The following COL22A1 variants were observed in gnomAD, a reference collection of about 807,000 sequenced individuals.
The protein encoded by COL22A1 is collagen type XXII alpha 1 chain.
A neutral mutation model predicts 248.9 loss-of-function variants in COL22A1; 221 were observed. That is an observed-to-expected ratio of 0.89 (90% CI 0.80 to 0.99). The LOEUF is 0.99. COL22A1 is among the 50% of genes least tolerant of loss of function. COL22A1 has a pLI of 0.00. For synonymous variants in COL22A1, 891 were observed against 793.4 expected (o/e 1.12, Z -2.07); for missense variants, 2,240 against 2,179.0 (o/e 1.03, Z -0.56).
chr8:138,689,620 C>T (rs1826662130), intron 36 of COL22A1, among the ~76,000 whole-genome samples: 1 of 152,146 alleles, frequency 6.6e-6, no homozygotes. Flanking sequence ...GAAGCTGAGG[C>T]AAGAGAATCA....
chr8:138,655,887 A>C lies in COL22A1; in HGVS notation c.3333+10T>G. 1 of 1,605,564 alleles carries C rather than the reference A, an allele frequency of 6.2e-7. No homozygotes were observed. Among genetic ancestry groups the C allele is most frequent in the Non-Finnish European group, 8.5e-7 (1 of 1,172,560 alleles). ...TTCAAAACACATGCGCATTTATTGT[A>C]TGCTTTTACCTTAGCCAAGAGATTT... On this transcript the variant is annotated intron_variant, in intron 45 of 64. Coordinates refer to ENST00000303045, the MANE Select transcript of COL22A1 (RefSeq NM_152888.3).
In COL22A1 at chr8:138,871,830, G is replaced by T. The variant is rs368319848; in HGVS notation, c.658+5920C>A. Among the ~76,000 whole-genome samples the T allele has an allele frequency of 1.2e-4, 18 of 152,174 alleles. 1 individual carries two copies. In the South Asian group the frequency reaches 3.1e-3, roughly 26 times the overall value. ...TTTACTAAAAGTGTTTTGCACTACG[G>T]AAAGAAAAAATGTGCAAAACAGACT... On this transcript the variant is annotated intron_variant, in intron 3 of 64. Coordinates refer to ENST00000303045, the MANE Select transcript of COL22A1 (RefSeq NM_152888.3).
chr8:138,823,513 C>G (rs1819334663), intron 6 of COL22A1, among the ~76,000 whole-genome samples: 1 of 152,186 alleles, frequency 6.6e-6, no homozygotes, highest in African/African-American at 2.4e-5. Context: ...TCAAGCAATT[C>G]TCCTGCTTCA....
At chr8:138,722,193 G>C (rs1422047518) in intron 25 of COL22A1, 104 bp from the exon 26 acceptor site, 6 of 917,580 alleles carry the variant, frequency 6.5e-6, no homozygotes, top group Non-Finnish European at 8.3e-6. Context: ...CCAGAATGCA[G>C]GAGGCTCGGG....
chr8:138,648,580 A>G (rs975275846), intron 46 of COL22A1, among the ~76,000 whole-genome samples: 13 of 151,486 alleles, frequency 8.6e-5, no homozygotes, highest in African/African-American at 3.1e-4. Flanking sequence ...AAAGGCAAAG[A>G]AGGCTTTTTT....
chr8:138,777,331 T>C (rs564605446), intron 15 of COL22A1, among the ~76,000 whole-genome samples: 2 of 152,282 alleles, frequency 1.3e-5, no homozygotes, highest in East Asian at 3.9e-4. Flanking sequence ...AAAGGGTGAG[T>C]GGGCATCCTT....
chr8:138,652,894 A>G lies in COL22A1; in HGVS notation c.3333+3003T>C, dbSNP rs576260115. 1.9e-3 allele frequency among the ~76,000 whole-genome samples: 281 copies of G among 151,450 alleles called. 1 individual carries two copies. Among genetic ancestry groups the G allele is most frequent in the African/African-American group, 6.5e-3 (268 of 41,312 alleles). Reference sequence around the variant, plus strand: ...CCCAAGCAGCTGGGAATACAGGCATATGCTACCACGTCTGACTAATTTTTG... The same window carrying G: ...CCCAAGCAGCTGGGAATACAGGCATGTGCTACCACGTCTGACTAATTTTTG... On this transcript the variant is annotated intron_variant, in intron 45 of 64. Coordinates refer to ENST00000303045, the MANE Select transcript of COL22A1 (RefSeq NM_152888.3).
chr8:138,610,084 T>C (rs551834962), intron 56 of COL22A1, among the ~76,000 whole-genome samples: 2 of 152,246 alleles, frequency 1.3e-5, no homozygotes, highest in Non-Finnish European at 2.9e-5. Context: ...TGAATGAGAA[T>C]GCTGGAGTCC....
At position 138,743,924 on chromosome 8, in the gene COL22A1, T is replaced by C. The variant is rs138111990; in HGVS notation, c.2086-6347A>G. On this transcript the variant is annotated intron_variant, in intron 22 of 64. Coordinates refer to ENST00000303045, the MANE Select transcript of COL22A1 (RefSeq NM_152888.3). ...GTTAACAGAGTCATCTGAGGGGCCATTAACAGATAAAAGGATTGCTTGTGC... is the reference window on the plus strand; with the variant it reads ...GTTAACAGAGTCATCTGAGGGGCCACTAACAGATAAAAGGATTGCTTGTGC... 7.2e-5 allele frequency among the ~76,000 whole-genome samples: 11 copies of C among 152,304 alleles called. No individual in the cohort carries two copies. In the East Asian group the frequency reaches 1.9e-3, roughly 27 times the overall value.
intron 37 of COL22A1, 108 bp from the exon 38 acceptor site, chr8:138,685,420 G>A: frequency 1.2e-6 from 1 of 812,142 alleles, no homozygotes; most frequent in Non-Finnish European, 2.0e-6. Flanking sequence ...CTGCCTTTAT[G>A]ATTTTAGAAG....
At chr8:138,712,556 G>A (rs73435074) in intron 30 of COL22A1, among the ~76,000 whole-genome samples, 282 of 41,956 alleles carry the variant, frequency 6.7e-3, no homozygotes, top group African/African-American at 0.019. Context: ...CAAAGAGTAC[G>A]TGTTCTATCA....
intron 6 of COL22A1, among the ~76,000 whole-genome samples, chr8:138,822,339 C>T (rs781350187): frequency 5.3e-5 from 8 of 152,092 alleles, no homozygotes; most frequent in Admixed American, 1.3e-4. Flanking sequence ...TGTGAGCCAC[C>T]GTGCTCAGCC....
intron 50 of COL22A1, among the ~76,000 whole-genome samples, chr8:138,629,895 C>A (rs1189050354): frequency 2.0e-5 from 3 of 152,164 alleles, no homozygotes; most frequent in Admixed American, 6.5e-5. Context: ...CTCTGACATT[C>A]CCTCACTGTG....
At chr8:138,659,937 G>T (rs1026686629) in intron 44 of COL22A1, among the ~76,000 whole-genome samples, 5 of 152,212 alleles carry the variant, frequency 3.3e-5, no homozygotes, top group Non-Finnish European at 5.9e-5. Flanking sequence ...TAGGAAACGG[G>T]CAAGTTAGGG....
At chr8:138,684,200 G>A (rs1826166069) in intron 39 of COL22A1, among the ~76,000 whole-genome samples, 1 of 150,758 alleles carries the variant, frequency 6.6e-6, no homozygotes, top group Non-Finnish European at 1.5e-5. Flanking sequence ...GGAGGTTGAA[G>A]TTGCAGTGAG....
intron 36 of COL22A1, among the ~76,000 whole-genome samples, 188 bp from the exon 37 acceptor site, chr8:138,689,158 C>CGGG (rs375913019): frequency 4.4e-4 from 64 of 143,832 alleles, no homozygotes; most frequent in African/African-American, 1.1e-3. Flanking sequence ...GCTGCTCTCC[C>CGGG]GGGGGGGGGG....
At chr8:138,718,414 A>T (rs1249387343) in intron 27 of COL22A1, among the ~76,000 whole-genome samples, 2 of 152,224 alleles carry the variant, frequency 1.3e-5, no homozygotes, top group Admixed American at 6.5e-5. Flanking sequence ...TGGTTTAAAA[A>T]AAAAATTGAA....
rs367900842 is a variant in COL22A1 at position 138,591,521 on chromosome 8, C to G, written c.4616-20G>C. On this transcript the variant is annotated intron_variant, in intron 63 of 64. Coordinates refer to ENST00000303045, the MANE Select transcript of COL22A1 (RefSeq NM_152888.3). ...GCTCACCTGGGAAGAAAAACATGCA[C>G]TTTTGATGGTGGAGACCCCCGGGGA... 3.3e-6 allele frequency: 5 copies of G among 1,518,416 alleles called. No homozygotes were observed. In the African/African-American group the frequency reaches 5.6e-5, roughly 17 times the overall value. The allele number at this position is 1,518,416 out of a possible 1,614,324, so 94.1% of individuals were successfully genotyped here.
intron 22 of COL22A1, among the ~76,000 whole-genome samples, chr8:138,750,461 C>A (rs74710438): frequency 6.6e-6 from 1 of 152,266 alleles, no homozygotes; most frequent in Non-Finnish European, 1.5e-5. Flanking sequence ...CCTTTCAGAA[C>A]GGAGGATGTG....
Sources: allele counts gnomAD v4.1 joint callset (sites outside exome capture counted in the v4.1 genomes callset), GRCh38; gene constraint gnomAD v4.1.1; transcripts MANE v1.5; gene names NCBI Gene and HGNC (gene_info 2026-07-23, HGNC 2026-07-21).